Variants in ZFYVE9 observed in about 807,000 individuals in gnomAD.
ZFYVE9 encodes zinc finger FYVE-type containing 9.
In ZFYVE9, 43 loss-of-function variants were observed where a neutral mutation model predicts 126.7. That is an observed-to-expected ratio of 0.34 (90% CI 0.27 to 0.44). The LOEUF (loss-of-function observed/expected upper bound fraction) is 0.44, where lower values mean the gene tolerates loss of function less well. Ranked by LOEUF, ZFYVE9 falls within the 20% of genes least tolerant of loss-of-function variation. The pLI is 1.00. For missense variants in ZFYVE9, 1,476 were observed against 1,697.0 expected (o/e 0.87, Z 2.29); for synonymous variants, 521 against 597.4 (o/e 0.87, Z 1.87).
At chr1:52,150,948 G>T (rs1031344497) in intron 1 of ZFYVE9, among the ~76,000 whole-genome samples, 3 of 150,570 alleles carry the variant, frequency 2.0e-5, no homozygotes, top group Non-Finnish European at 4.4e-5. Context: ...GAACTTCACA[G>T]TACATCATGT....
chr1:52,183,889 C>T (rs1644738983), intron 1 of ZFYVE9, among the ~76,000 whole-genome samples: 2 of 145,524 alleles, frequency 1.4e-5, no homozygotes, highest in African/African-American at 5.1e-5. Context: ...GAGTCTCACT[C>T]TGTCACCCAG....
intron 7 of ZFYVE9, among the ~76,000 whole-genome samples, chr1:52,271,998 C>A (rs570848164): frequency 6.6e-6 from 1 of 152,160 alleles, no homozygotes; most frequent in South Asian, 2.1e-4. Context: ...CACCACCACA[C>A]CTGGCAAATT....
intron 4 of ZFYVE9, among the ~76,000 whole-genome samples, chr1:52,249,127 A>G (rs1353958521): frequency 6.6e-5 from 10 of 152,042 alleles, no homozygotes; most frequent in Non-Finnish European, 1.3e-4. Flanking sequence ...CCACGGTAAG[A>G]TGTGCTTGCT....
At chr1:52,316,376 T>C (rs570064924) in intron 13 of ZFYVE9, among the ~76,000 whole-genome samples, 11 of 150,186 alleles carry the variant, frequency 7.3e-5, no homozygotes, top group Admixed American at 3.3e-4. Flanking sequence ...TCCCAGCTAC[T>C]CGGGAGGCTG....
intron 2 of ZFYVE9, among the ~76,000 whole-genome samples, chr1:52,224,686 T>C (rs1645153693): frequency 1.3e-5 from 2 of 152,220 alleles, no homozygotes; most frequent in African/African-American, 4.8e-5. Context: ...TCTTGTGTTT[T>C]GTCCTTTCAT....
intron 12 of ZFYVE9, among the ~76,000 whole-genome samples, chr1:52,298,511 T>A (rs1240002939): frequency 2.6e-5 from 4 of 152,214 alleles, no homozygotes; most frequent in Non-Finnish European, 5.9e-5. Flanking sequence ...AGTATGTGTT[T>A]GTTTTGGCCA....
chr1:52,248,287 C>T (rs1645410921), intron 4 of ZFYVE9, among the ~76,000 whole-genome samples: 1 of 152,114 alleles, frequency 6.6e-6, no homozygotes, highest in African/African-American at 2.4e-5. Flanking sequence ...AACCTGGAGT[C>T]TGATGTACAT....
intron 1 of ZFYVE9, among the ~76,000 whole-genome samples, chr1:52,163,732 AT>A (rs1466752795): frequency 1.3e-5 from 2 of 152,078 alleles, no homozygotes; most frequent in Non-Finnish European, 2.9e-5. Context: ...CACATCTGTA[AT>A]CCCAGGACTT....
intron 1 of ZFYVE9, among the ~76,000 whole-genome samples, chr1:52,189,217 A>T (rs962314244): frequency 6.8e-6 from 1 of 147,454 alleles, no homozygotes; most frequent in Non-Finnish European, 1.5e-5. Flanking sequence ...GATTACAGGC[A>T]TGAGCCACCA....
chr1:52,223,881 C>T (rs532442611), intron 2 of ZFYVE9, among the ~76,000 whole-genome samples: 63 of 152,256 alleles, frequency 4.1e-4, no homozygotes, highest in African/African-American at 1.5e-3. Flanking sequence ...ATCATGGCAG[C>T]CCTGAAGATC....
rs779795813 is a variant in ZFYVE9, at chr1:52,266,677, GA to G, written c.2302del (p.Ser768ValfsTer31). On this transcript the variant is annotated frameshift_variant, in exon 6 of 19. Transcript: ENST00000287727. LOFTEE classifies it high-confidence loss of function. ...MNAQAWENMM[S>X]ASSQSPNPNN... ...TAGCTCAAGCCTGGGAGAACATGAT[GA>G]GTGCCTCAAGCCAGAGCCCTAACCC... The G allele has an allele frequency of 6.3e-7, 1 of 1,597,538 alleles. No homozygotes were observed. The highest frequency in any genetic ancestry group is 8.5e-7 in the Non-Finnish European group (1 of 1,173,452).
intron 1 of ZFYVE9, among the ~76,000 whole-genome samples, chr1:52,157,043 A>G (rs1472128582): frequency 6.6e-6 from 1 of 152,092 alleles, no homozygotes; most frequent in Non-Finnish European, 1.5e-5. Flanking sequence ...CGTGTTAGCC[A>G]GGATGGTCTT....
Position 52,346,403 on chromosome 1 carries a change from A to G in ZFYVE9, c.*182A>G, listed in dbSNP as rs892348271. The G allele has an allele frequency of 4.7e-6, 3 of 633,198 alleles. No individual in the cohort carries two copies. The highest frequency in any genetic ancestry group is 7.5e-6 in the Non-Finnish European group (3 of 399,260). The allele number at this position is 633,198 out of a possible 1,614,324, so 39.2% of individuals were successfully genotyped here. A position where few individuals can be genotyped will look rare whatever the true frequency, so the allele number is the denominator to read the frequency against. On this transcript the variant is annotated 3_prime_UTR_variant, in exon 19 of 19. Transcript: ENST00000287727. The stretch of plus-strand genomic sequence containing the variant: ...GGGTGGTTGGGGGGACCGATGTTCC[A>G]TAATTCTAAGTCTTCTATGCATTGT...
intron 2 of ZFYVE9, among the ~76,000 whole-genome samples, chr1:52,220,268 G>T (rs1297263869): frequency 6.6e-6 from 1 of 152,124 alleles, no homozygotes; most frequent in African/African-American, 2.4e-5. Context: ...TAGTGCTTGG[G>T]TTAGCCCCTT....
chr1:52,202,605 C>T lies in ZFYVE9; in HGVS notation c.-142-13764C>T, dbSNP rs557588744. Among the ~76,000 whole-genome samples, 25 of 151,812 alleles carry T rather than the reference C, an allele frequency of 1.6e-4. No homozygotes were observed. In the South Asian group the frequency reaches 1.9e-3, roughly 11 times the overall value. Reference sequence around the variant, plus strand: ...CCAGGTCTTATTTATTGATGCATTCCGACAGTCTGTGTCTTTTCATTGGTG... The same window carrying T: ...CCAGGTCTTATTTATTGATGCATTCTGACAGTCTGTGTCTTTTCATTGGTG... On this transcript the variant is annotated intron_variant, in intron 1 of 18. Transcript: ENST00000287727.
chr1:52,344,071 C>CAA (rs112122608), intron 17 of ZFYVE9, among the ~76,000 whole-genome samples: 7 of 89,912 alleles, frequency 7.8e-5, no homozygotes, highest in Non-Finnish European at 9.9e-5. Context: ...ACTTTGTTTC[C>CAA]AAAAAAAAAA....
In ZFYVE9 at chr1:52,263,753, T is replaced by TCC. The variant is rs58847260; in HGVS notation, c.2179-6_2179-5dup. ...ATCCCAAGTAAATTTTGTGTGTTCT[T>TCC]CCCCCCCCCCCCCCCACAGGTTTTC... On this transcript the variant is annotated intron_variant, in intron 4 of 18. Coordinates refer to ENST00000287727, the MANE Select transcript of ZFYVE9 (RefSeq NM_004799.4). The TCC allele has an allele frequency of 7.1e-4, 503 of 713,184 alleles. No homozygotes were observed. The highest frequency in any genetic ancestry group is 1.8e-3 in the African/African-American group (37 of 21,012). The allele number at this position is 713,184 out of a possible 1,614,324, so 44.2% of individuals were successfully genotyped here.
intron 1 of ZFYVE9, among the ~76,000 whole-genome samples, chr1:52,171,452 A>G (rs901949292): frequency 2.6e-4 from 39 of 152,214 alleles, no homozygotes; most frequent in Non-Finnish European, 3.5e-4. Context: ...TAGTGCCGCA[A>G]TAAACATACG....
intron 1 of ZFYVE9, among the ~76,000 whole-genome samples, chr1:52,147,243 T>A (rs1644313977): frequency 6.6e-6 from 1 of 152,200 alleles, no homozygotes; most frequent in South Asian, 2.1e-4. Flanking sequence ...ATACTTATAT[T>A]TTTCTTTTAA....
Sources: allele counts gnomAD v4.1 joint callset (sites outside exome capture counted in the v4.1 genomes callset), GRCh38; gene constraint gnomAD v4.1.1; transcripts MANE v1.5; gene names NCBI Gene and HGNC (gene_info 2026-07-23, HGNC 2026-07-21).